SENP5: variants seen among roughly 807,000 people sequenced by gnomAD.
SENP5 encodes the protein SUMO specific peptidase 5, also known as sentrin-specific protease 5.
In SENP5, 21 loss-of-function variants were observed where a neutral mutation model predicts 74.2. The observed-to-expected ratio is 0.28, with a 90% CI of 0.20 to 0.41. SENP5 has a LOEUF of 0.41. Ranked by LOEUF, SENP5 falls within the 10% of genes least tolerant of loss-of-function variation. The pLI, the probability that SENP5 is intolerant of heterozygous loss-of-function variation, is 1.00. For missense variants in SENP5, 717 were observed against 889.1 expected (o/e 0.81, Z 2.46); for synonymous variants, 311 against 312.7 (o/e 0.99, Z 0.06).
chr3:196,878,542 C>G (rs890662141), intron 1 of SENP5, among the ~76,000 whole-genome samples: 6 of 152,232 alleles, frequency 3.9e-5, no homozygotes, highest in East Asian at 1.9e-4. Flanking sequence ...CAGCCTCTTT[C>G]AAGTCTTTGA....
At chr3:196,920,023 C>T (rs1715545466) in intron 6 of SENP5, among the ~76,000 whole-genome samples, 1 of 152,062 alleles carries the variant, frequency 6.6e-6, no homozygotes, top group Non-Finnish European at 1.5e-5. Flanking sequence ...CAGCTTTATC[C>T]TTTTTCCAGA....
At chr3:196,895,647 G>A (rs988745732) in intron 2 of SENP5, among the ~76,000 whole-genome samples, 30 of 151,782 alleles carry the variant, frequency 2.0e-4, no homozygotes, top group African/African-American at 6.8e-4. Flanking sequence ...TCACCCTCCC[G>A]AGTAGCTGGG....
At chr3:196,917,726 A>G (rs1317682734) in intron 6 of SENP5, among the ~76,000 whole-genome samples, 1 of 152,224 alleles carries the variant, frequency 6.6e-6, no homozygotes, top group Admixed American at 6.5e-5. Flanking sequence ...TACTTCAAAC[A>G]TGAAGGAGAA....
chr3:196,911,376 C>T (rs1715117699), intron 6 of SENP5, among the ~76,000 whole-genome samples: 1 of 151,700 alleles, frequency 6.6e-6, no homozygotes, highest in Admixed American at 6.6e-5. Context: ...AAAAATAAAC[C>T]ATCAGAAAGT....
chr3:196,928,136 A>G (rs558568182), intron 8 of SENP5, among the ~76,000 whole-genome samples: 97 of 150,978 alleles, frequency 6.4e-4, no homozygotes, highest in African/African-American at 2.1e-3. Flanking sequence ...TCTTCTGGGG[A>G]AAAAAAAAAT....
At chr3:196,918,977 G>GTATC (rs10576145) in intron 6 of SENP5, among the ~76,000 whole-genome samples, 33,903 of 151,646 alleles carry the variant, frequency 0.22, 4,554 homozygotes, top group East Asian at 0.73. Flanking sequence ...ATGTATGTGT[G>GTATC]TATCTATCTA....
intron 4 of SENP5, 97 bp from the exon 5 acceptor site, chr3:196,900,268 T>G: frequency 1.7e-6 from 2 of 1,207,948 alleles, no homozygotes; most frequent in Non-Finnish European, 2.3e-6. Flanking sequence ...CTGAATTGTA[T>G]AGGGTTAGTA....
intron 1 of SENP5, among the ~76,000 whole-genome samples, chr3:196,879,184 A>C (rs1015082681): frequency 6.6e-6 from 1 of 152,242 alleles, no homozygotes; most frequent in Non-Finnish European, 1.5e-5. Flanking sequence ...ACAGCAACCA[A>C]GAATTTCCCA....
chr3:196,889,455 T>C (rs1698011201), intron 2 of SENP5, among the ~76,000 whole-genome samples: 1 of 152,208 alleles, frequency 6.6e-6, no homozygotes, highest in Non-Finnish European at 1.5e-5. Context: ...TAATTCACTA[T>C]TTTAATAGGC....
chr3:196,874,384 G>A (rs924337013), intron 1 of SENP5, among the ~76,000 whole-genome samples: 1 of 150,830 alleles, frequency 6.6e-6, no homozygotes, highest in African/African-American at 2.4e-5. Context: ...CCTTTCCATT[G>A]TACTAAAATT....
At chr3:196,902,179 C>T (rs1714727975) in intron 5 of SENP5, among the ~76,000 whole-genome samples, 1 of 152,246 alleles carries the variant, frequency 6.6e-6, no homozygotes, top group Non-Finnish European at 1.5e-5. Context: ...TGCAGTGGCA[C>T]AGTCATAGCT....
At position 196,903,699 on chromosome 3, in the gene SENP5, C is replaced by T. The variant is rs181346077; in HGVS notation, c.1884+89C>T. 3.8e-4 allele frequency: 262 copies of T among 682,242 alleles called. No individual in the cohort carries two copies. In the African/African-American group the frequency reaches 3.9e-3, roughly 10 times the overall value. 42.3% of individuals were successfully genotyped at this position (682,242 alleles called of 1,614,324 possible). The stretch of plus-strand genomic sequence containing the variant: ...AAGGATAAGTACTTTAATGCCAATA[C>T]GATGTTAAGTAGAAACAGACTTTTT... On this transcript the variant is annotated intron_variant, in intron 6 of 9. Transcript: ENST00000323460.
At chr3:196,872,213 G>A (rs1251916972) in intron 1 of SENP5, among the ~76,000 whole-genome samples, 2 of 152,256 alleles carry the variant, frequency 1.3e-5, no homozygotes, top group African/African-American at 2.4e-5. Context: ...CCTTGTGTGC[G>A]TGTTTTATCT....
At chr3:196,917,214 A>G (rs1715416164) in intron 6 of SENP5, among the ~76,000 whole-genome samples, 1 of 151,992 alleles carries the variant, frequency 6.6e-6, no homozygotes, top group Admixed American at 6.6e-5. Context: ...AATACATCAG[A>G]ATCTCTCAAC....
At chr3:196,902,562 G>A (rs1387383870) in intron 5 of SENP5, among the ~76,000 whole-genome samples, 4 of 152,174 alleles carry the variant, frequency 2.6e-5, no homozygotes, top group African/African-American at 9.7e-5. Flanking sequence ...CTGGGATGAG[G>A]CCTGATAATT....
At chr3:196,910,335 CTTTTTTTTTTTTTTT>C (rs869108574) in intron 6 of SENP5, among the ~76,000 whole-genome samples, 1 of 51,336 alleles carries the variant, frequency 1.9e-5, no homozygotes, top group Admixed American at 2.9e-4. Flanking sequence ...CCAAAGTAAT[CTTTTTTTTTTTTTTT>C]TTTTTTTTTT....
chr3:196,890,840 C>T (rs1283092144), intron 2 of SENP5, among the ~76,000 whole-genome samples: 1 of 152,168 alleles, frequency 6.6e-6, no homozygotes, highest in Admixed American at 6.5e-5. Flanking sequence ...CACAAACTCA[C>T]ACTAAATTTA....
At chr3:196,889,218 CCT>C (rs1474030810) in intron 2 of SENP5, among the ~76,000 whole-genome samples, 1 of 151,572 alleles carries the variant, frequency 6.6e-6, no homozygotes. Flanking sequence ...CACCAAAAAA[CCT>C]CTTGTCTATA....
At chr3:196,876,895 A>T (rs541535043) in intron 1 of SENP5, among the ~76,000 whole-genome samples, 1 of 152,112 alleles carries the variant, frequency 6.6e-6, no homozygotes, top group Non-Finnish European at 1.5e-5. Context: ...GAGAAAGACA[A>T]AATTACATTT....
Sources: gnomAD v4.1 joint callset for allele counts (sites outside exome capture counted in the v4.1 genomes callset) on GRCh38, gnomAD v4.1.1 for gene constraint, MANE v1.5 for transcripts, NCBI Gene and HGNC (gene_info 2026-07-23, HGNC 2026-07-21) for gene names.